The following DENND2B variants were observed in gnomAD, a reference collection of about 807,000 sequenced individuals.
DENND2B encodes DENN domain containing 2B, also known as DENN domain-containing protein 2B.
In DENND2B, 32 loss-of-function variants were observed where a neutral mutation model predicts 116.0. The observed-to-expected ratio is 0.28, with a 90% CI of 0.21 to 0.37. The LOEUF (loss-of-function observed/expected upper bound fraction) is 0.37. Ranked by LOEUF, DENND2B falls within the 10% of genes least tolerant of loss-of-function variation. DENND2B has a pLI of 1.00. For synonymous variants in DENND2B, 588 were observed against 583.9 expected, an observed-to-expected ratio of 1.01 and a Z score of -0.10; for missense variants, 1,276 against 1,477.7, an observed-to-expected ratio of 0.86 and a Z score of 2.24.
intron 1 of DENND2B, among the ~76,000 whole-genome samples, chr11:8,909,198 G>A (rs1439448788): frequency 2.6e-5 from 4 of 152,152 alleles, no homozygotes; most frequent in Non-Finnish European, 5.9e-5. Flanking sequence ...AAGTGGCAGA[G>A]AGCCTGGGCA....
At chr11:8,758,193 C>T (rs958824187) in intron 1 of DENND2B, among the ~76,000 whole-genome samples, 3 of 152,178 alleles carry the variant, frequency 2.0e-5, no homozygotes, top group African/African-American at 7.2e-5. Context: ...TCTCTAGGGA[C>T]TTAATGGAGT....
chr11:8,780,449 C>G (rs1315692914), intron 1 of DENND2B, among the ~76,000 whole-genome samples: 1 of 152,112 alleles, frequency 6.6e-6, no homozygotes, highest in East Asian at 1.9e-4. Context: ...TTGTGCTAGG[C>G]CTGGAAGATC....
chr11:8,853,544 C>G (rs147482194), intron 3 of DENND2B, among the ~76,000 whole-genome samples: 1 of 152,212 alleles, frequency 6.6e-6, no homozygotes, highest in East Asian at 1.9e-4. Flanking sequence ...CACAAATTAC[C>G]TGGCCTAAAG....
chr11:8,750,814 A>G (rs543496735), intron 1 of DENND2B, 89 bp from the exon 2 acceptor site: 29 of 1,188,198 alleles, frequency 2.4e-5, no homozygotes, highest in South Asian at 8.8e-5. Context: ...AAAAGTGCCA[A>G]GAGGGTGTCT....
At chr11:8,890,928 A>T (rs2064023949) in intron 1 of DENND2B, among the ~76,000 whole-genome samples, 1 of 152,176 alleles carries the variant, frequency 6.6e-6, no homozygotes, top group African/African-American at 2.4e-5. Flanking sequence ...CAACTCCAAG[A>T]CACATAATTG....
In DENND2B at chr11:8,730,082, T is replaced by C. The variant is rs763915285; in HGVS notation, c.1208A>G (p.Lys403Arg). 6.2e-7 allele frequency: 1 copy of C among 1,614,184 alleles called. No individual in the cohort carries two copies. Among genetic ancestry groups the C allele is most frequent in the South Asian group, 1.1e-5 (1 of 91,084 alleles). The change falls in exon 3 of 20, where the codon AAG becomes AGG. Residue 403 changes from lysine (K) to arginine (R), a missense_variant. This residue lies in a region of DENND2B where 856 missense variants were observed against 846.6 expected (regional missense o/e 1.01). Transcript: ENST00000313726. This position sits in a 1 kb window ranked among gnomAD's most constrained non-coding sequence, Gnocchi z 4.1. ...AGGTAGACCATTACTGGGCTTACTC[T>C]TGGGGTTCTTGTCAGCCTCGTATTC... ...TFEYEADKNP[K>R]SKPSNGLPPS...
chr11:8,779,037 A>T (rs1044247301), intron 1 of DENND2B, among the ~76,000 whole-genome samples: 1 of 152,254 alleles, frequency 6.6e-6, no homozygotes, highest in Middle Eastern at 3.2e-3. Flanking sequence ...TAGCTGAGAG[A>T]ACAAAACATG....
intron 4 of DENND2B, among the ~76,000 whole-genome samples, chr11:8,823,475 C>T (rs1271779847): frequency 6.6e-6 from 1 of 152,188 alleles, no homozygotes; most frequent in Non-Finnish European, 1.5e-5. Context: ...CAAATCTCAT[C>T]TTGAATTGTA....
chr11:8,804,021 A>C (rs1593943050), intron 1 of DENND2B, among the ~76,000 whole-genome samples: 1 of 152,226 alleles, frequency 6.6e-6, no homozygotes, highest in African/African-American at 2.4e-5. Context: ...GCAGGCGAGA[A>C]GCAGTTCTGG....
chr11:8,707,358 C>T lies in DENND2B; in HGVS notation c.2431-133G>A, dbSNP rs562013825. 1.9e-5 allele frequency: 22 copies of T among 1,176,030 alleles called. 1 individual carries two copies. The South Asian group carries it at 3.4e-4, about 18-fold the overall frequency. The allele number at this position is 1,176,030 out of a possible 1,614,324, so 72.8% of individuals were successfully genotyped here. A position where few individuals can be genotyped will look rare whatever the true frequency, so the allele number is the denominator to read the frequency against. ...CTGGGAGACGGGAAGGTGGTCTTGCCATGATCTGCACACTCTACCCTTCCC... is the reference window on the plus strand; with the variant it reads ...CTGGGAGACGGGAAGGTGGTCTTGCTATGATCTGCACACTCTACCCTTCCC... On this transcript the variant is annotated intron_variant, in intron 12 of 19. Coordinates refer to ENST00000313726, the MANE Select transcript of DENND2B (RefSeq NM_213618.2). The surrounding 1 kb of genome is among the most constrained non-coding windows in gnomAD (Gnocchi z 4.8).
intron 1 of DENND2B, among the ~76,000 whole-genome samples, chr11:8,804,215 A>C (rs2060616947): frequency 6.6e-6 from 1 of 152,150 alleles, no homozygotes; most frequent in Non-Finnish European, 1.5e-5. Context: ...GGACACTCTC[A>C]AGTACCTTCC....
intron 1 of DENND2B, among the ~76,000 whole-genome samples, chr11:8,778,904 G>T (rs370461982): frequency 2.6e-4 from 40 of 152,354 alleles, no homozygotes; most frequent in African/African-American, 9.4e-4. Flanking sequence ...ACTAGCCCAG[G>T]CTAAGTTCTA....
At chr11:8,711,040 G>C (rs2043570211) in intron 10 of DENND2B, 82 bp downstream of exon 10, 1 of 1,555,720 alleles carries the variant, frequency 6.4e-7, no homozygotes, top group Non-Finnish European at 8.9e-7. Flanking sequence ...GATGAGACTA[G>C]AGCAGGCCCC....
chr11:8,752,312 T>C (rs559191591), intron 1 of DENND2B, among the ~76,000 whole-genome samples: 10 of 151,742 alleles, frequency 6.6e-5, no homozygotes, highest in Admixed American at 6.6e-4. Context: ...ATCAGCCAGG[T>C]GTGGTGGCAG....
At chr11:8,861,351 A>G (rs2063383458) in intron 2 of DENND2B, among the ~76,000 whole-genome samples, 1 of 152,190 alleles carries the variant, frequency 6.6e-6, no homozygotes, top group African/African-American at 2.4e-5. Flanking sequence ...AAACACTCCC[A>G]TCAAAAACCG....
chr11:8,734,103 T>C (rs1041853754), intron 2 of DENND2B, among the ~76,000 whole-genome samples: 1 of 152,152 alleles, frequency 6.6e-6, no homozygotes, highest in Non-Finnish European at 1.5e-5. Flanking sequence ...TGGTAAACAA[T>C]AAAGATAAGG....
At chr11:8,863,346 T>TCCCAGGTGCACACCATTCTCCTGC (rs543669262) in intron 2 of DENND2B, among the ~76,000 whole-genome samples, 1 of 81,268 alleles carries the variant, frequency 1.2e-5, no homozygotes, top group Non-Finnish European at 2.5e-5. Context: ...AAGCTCCACC[T>TCCCAGGTGCACACCATTCTCCTGC]CTCAGCCTCC....
chr11:8,856,649 G>A (rs2063203471), intron 3 of DENND2B, among the ~76,000 whole-genome samples: 1 of 152,092 alleles, frequency 6.6e-6, no homozygotes, highest in African/African-American at 2.4e-5. Context: ...CACTATATTG[G>A]GCAGCTCCCC....
chr11:8,750,718 C>T lies in DENND2B; in HGVS notation c.-18G>A, dbSNP rs2052231618. ...ATGGTCATTTCGGCTCTCTGCAAAC[C>T]CAGAGCCCTGCAAAGACGACAATGC... On this transcript the variant is annotated 5_prime_UTR_variant, in exon 2 of 20. Transcript: ENST00000313726. 1.2e-6 allele frequency: 2 copies of T among 1,614,028 alleles called. No homozygotes were observed. The highest frequency in any genetic ancestry group is 2.7e-5 in the African/African-American group (2 of 74,912).
Sources: allele counts gnomAD v4.1 joint callset (sites outside exome capture counted in the v4.1 genomes callset), GRCh38; gene constraint gnomAD v4.1.1; regional missense constraint gnomAD v4.1.1; non-coding constraint Gnocchi (gnomAD v3.1); transcripts MANE v1.5; gene names NCBI Gene and HGNC (gene_info 2026-07-23, HGNC 2026-07-21).